AK6: variants seen among roughly 807,000 people sequenced by gnomAD.
AK6 encodes the protein adenylate kinase isoenzyme 6.
Under a neutral mutation model 23.7 loss-of-function variants are expected in AK6, and 24 were observed. The observed-to-expected ratio is 1.01, with a 90% CI of 0.73 to 1.43. The LOEUF is 1.43. Among genes scored for constraint, AK6 ranks in the 40% most tolerant of loss-of-function variants. The pLI, the probability that AK6 is intolerant of heterozygous loss-of-function variation, is 0.00. For missense variants in AK6, 191 were observed against 199.1 expected, an observed-to-expected ratio of 0.96 and a Z score of 0.24; for synonymous variants, 73 against 69.8, an observed-to-expected ratio of 1.05 and a Z score of -0.23.
chr5:69,366,471 C>A (rs755634614), intron 2 of AK6, 32 bp downstream of exon 2: 118 of 1,545,290 alleles, frequency 7.6e-5, no homozygotes, highest in Admixed American at 3.8e-4. Context: ...AAAAAAAAAA[C>A]AAAACAAATC....
intron 2 of AK6, among the ~76,000 whole-genome samples, chr5:69,363,787 A>C (rs537801459): frequency 6.6e-6 from 1 of 151,734 alleles, no homozygotes; most frequent in Non-Finnish European, 1.5e-5. Flanking sequence ...CCGTCTCAAA[A>C]GAAAAAAAAA....
In AK6 at chr5:69,359,876, C is replaced by T. The variant is rs187474308; in HGVS notation, c.122-3923G>A. ...CCTTTAAAATACCTGGCTTTTTATG[C>T]GAAAAGAAAAGGGCAATTAATTCTG... is the stretch of plus-strand genomic sequence containing the variant. On this transcript the variant is annotated intron_variant, in intron 2 of 4. Coordinates refer to ENST00000380822, the MANE Select transcript of AK6 (RefSeq NM_016283.5). Among the ~76,000 whole-genome samples the T allele has an allele frequency of 4.6e-5, 7 of 152,078 alleles. No individual in the cohort carries two copies. In the East Asian group the frequency reaches 9.7e-4, roughly 21 times the overall value.
intron 1 of AK6, among the ~76,000 whole-genome samples, chr5:69,368,311 A>T (rs928728219): frequency 1.3e-5 from 2 of 152,194 alleles, no homozygotes; most frequent in Admixed American, 1.3e-4. Context: ...TCAGCTATTC[A>T]GATTTAACAT....
At chr5:69,363,196 C>G (rs1580314922) in intron 2 of AK6, among the ~76,000 whole-genome samples, 2 of 152,226 alleles carry the variant, frequency 1.3e-5, no homozygotes, top group Admixed American at 1.3e-4. Flanking sequence ...CCACCACACT[C>G]CAGCCTGGGC....
upstream of AK6, chr5:69,369,824 C>T (rs1473554919): frequency 9.8e-7 from 1 of 1,021,270 alleles, no homozygotes; most frequent in African/African-American, 1.6e-5. Flanking sequence ...GGCCGTACCT[C>T]CGAGAGGCTC....
chr5:69,365,452 C>A, intron 2 of AK6: 1 of 1,614,136 alleles, frequency 6.2e-7, no homozygotes, highest in Non-Finnish European at 8.5e-7. Flanking sequence ...CTTTGCCTTG[C>A]AATATCTAAT....
In AK6 at chr5:69,352,128, T is replaced by A. The variant is rs1761963857; in HGVS notation, c.452A>T (p.Glu151Val). The A allele has an allele frequency of 1.5e-5, 24 of 1,613,818 alleles. No homozygotes were observed. The highest frequency in any genetic ancestry group is 2.0e-5 in the Non-Finnish European group (24 of 1,179,866). Reference sequence around the variant, plus strand: ...GATCTGATCTACATTATTTTCTAGCTCTTCTGGTTTATTACTGGGCAGCTG... The same window carrying A: ...GATCTGATCTACATTATTTTCTAGCACTTCTGGTTTATTACTGGGCAGCTG... ...VHQLPSNKPE[E>V]LENNVDQILK... The change falls in exon 5 of 5, where the codon GAG becomes GTG. Residue 151 changes from glutamate (E) to valine (V), a missense_variant. Transcript: ENST00000380822.
chr5:69,351,980 G>T lies in AK6; in HGVS notation c.*81C>A. 2 of 1,219,100 alleles carry T rather than the reference G, an allele frequency of 1.6e-6. No homozygotes were observed. Among genetic ancestry groups the T allele is most frequent in the South Asian group, 1.5e-5 (1 of 66,274 alleles). The allele number at this position is 1,219,100 out of a possible 1,614,324, so 75.5% of individuals were successfully genotyped here. ...GGTTCTGCAACATGATTTTAATAAA[G>T]TGTTACTGACACTTGAACAATTTCT... On this transcript the variant is annotated 3_prime_UTR_variant, in exon 5 of 5. Transcript: ENST00000380822.
chr5:69,366,467 A>G (rs1448287719), intron 2 of AK6, 36 bp downstream of exon 2: 2 of 1,576,874 alleles, frequency 1.3e-6, no homozygotes, highest in South Asian at 1.1e-5. Flanking sequence ...CCTTAAAAAA[A>G]AAACAAAACA....
chr5:69,354,409 T>C (rs546133283), intron 4 of AK6, among the ~76,000 whole-genome samples: 1 of 152,276 alleles, frequency 6.6e-6, no homozygotes, highest in East Asian at 1.9e-4. Flanking sequence ...TTTACAAGTA[T>C]TGCAAATAAT....
At chr5:69,356,564 T>C (rs779956838) in intron 2 of AK6, among the ~76,000 whole-genome samples, 4 of 151,486 alleles carry the variant, frequency 2.6e-5, no homozygotes, top group Non-Finnish European at 5.9e-5. Flanking sequence ...GGCAGAAGGA[T>C]TGCTTGAGCC....
chr5:69,369,621 C>T (rs771075533), upstream of AK6: 2 of 1,572,632 alleles, frequency 1.3e-6, no homozygotes, highest in Admixed American at 3.8e-5. Flanking sequence ...GCGCCCCTAG[C>T]CTGCCCCGGC....
intron 2 of AK6, among the ~76,000 whole-genome samples, chr5:69,362,507 G>A (rs1348863771): frequency 6.6e-6 from 1 of 152,122 alleles, no homozygotes; most frequent in Non-Finnish European, 1.5e-5. Flanking sequence ...ACCTCATCAG[G>A]CTGGGCACAA....
chr5:69,364,209 T>TA (rs922839183), intron 2 of AK6, among the ~76,000 whole-genome samples: 79 of 150,412 alleles, frequency 5.3e-4, no homozygotes, highest in Middle Eastern at 6.9e-3. Flanking sequence ...TATTTTAAAT[T>TA]AAAAAAAATA....
chr5:69,351,764 AT>A lies in AK6; in HGVS notation c.*296del, dbSNP rs534946006. 1.7e-3 allele frequency: 434 copies of A among 250,502 alleles called. 2 individuals carry two copies. The highest frequency in any genetic ancestry group is 6.0e-3 in the Admixed American group (110 of 18,420). 15.5% of individuals were successfully genotyped at this position (250,502 alleles called of 1,614,324 possible). On this transcript the variant is annotated 3_prime_UTR_variant, in exon 5 of 5. Transcript: ENST00000380822. Reference sequence around the variant, plus strand: ...AGTTTTATTTTAAGAGATCATCTGCATTTTTTTCTGTAATAAACTTAAAAGA... The same window carrying A: ...AGTTTTATTTTAAGAGATCATCTGCATTTTTTCTGTAATAAACTTAAAAGA...
rs374188732 is a variant in AK6 at position 69,352,024 on chromosome 5, T to A, written c.*37A>T. Reference sequence around the variant, plus strand: ...AATTTCTATGATGTCGGCAGAGATATCAACAAGAGTGATTATTAAGTAGCT... The same window carrying A: ...AATTTCTATGATGTCGGCAGAGATAACAACAAGAGTGATTATTAAGTAGCT... On this transcript the variant is annotated 3_prime_UTR_variant, in exon 5 of 5. Transcript: ENST00000380822. The A allele has an allele frequency of 2.0e-6, 3 of 1,523,138 alleles. No homozygotes were observed. The highest frequency in any genetic ancestry group is 4.0e-5 in the Admixed American group (2 of 50,386). The allele number at this position is 1,523,138 out of a possible 1,614,324, so 94.4% of individuals were successfully genotyped here.
upstream of AK6, chr5:69,369,630 G>A (rs749070544): frequency 2.7e-5 from 42 of 1,568,514 alleles, 1 homozygote; most frequent in Middle Eastern, 3.3e-4. Context: ...GCCTGCCCCG[G>A]CGGCCCAGCC....
At chr5:69,362,870 C>T (rs1413965641) in intron 2 of AK6, among the ~76,000 whole-genome samples, 4 of 152,144 alleles carry the variant, frequency 2.6e-5, no homozygotes, top group Admixed American at 2.6e-4. Flanking sequence ...GACTTAGATC[C>T]CATTTCATGA....
Position 69,352,203 on chromosome 5 carries a change from T to A in AK6, c.377A>T (p.Gln126Leu). The A allele has an allele frequency of 6.2e-7, 1 of 1,613,944 alleles. No homozygotes were observed. Among genetic ancestry groups the A allele is most frequent in the South Asian group, 1.1e-5 (1 of 91,044 alleles). Reference sequence around the variant, plus strand: ...TGCTGTGGCTTCTTCATAAAGAACTTGAAAAATCTCACACTGAATATTGTC... The same window carrying A: ...TGCTGTGGCTTCTTCATAAAGAACTAGAAAAATCTCACACTGAATATTGTC... ...LTDNIQCEIFQVLYEEATASY... is the reference protein window; with the variant it reads ...LTDNIQCEIFLVLYEEATASY... Residue 126 changes from glutamine to leucine, a missense_variant, in exon 5 of 5, where the codon CAA becomes CTA. Gln to Leu is a moderately radical substitution (Grantham distance 113). Coordinates refer to ENST00000380822, the MANE Select transcript of AK6 (RefSeq NM_016283.5).
Sources: allele counts gnomAD v4.1 joint callset (sites outside exome capture counted in the v4.1 genomes callset), GRCh38; gene constraint gnomAD v4.1.1; transcripts MANE v1.5; gene names NCBI Gene and HGNC (gene_info 2026-07-23, HGNC 2026-07-21).